Variants in ZBTB16 observed in about 807,000 individuals in gnomAD.
The protein encoded by ZBTB16 is zinc finger and BTB domain-containing protein 16.
Under a neutral mutation model 56.8 loss-of-function variants are expected in ZBTB16, and 8 were observed. The observed-to-expected ratio is 0.14, with a 90% CI of 0.08 to 0.25. The LOEUF is 0.25. ZBTB16 is among the 10% of genes least tolerant of loss of function. The probability of loss-of-function intolerance (pLI) is 1.00; values close to 1 mark genes in which losing one functional copy is unlikely to be tolerated. For synonymous variants in ZBTB16, 363 were observed against 368.5 expected, an observed-to-expected ratio of 0.98 and a Z score of 0.17; for missense variants, 625 against 903.0, an observed-to-expected ratio of 0.69 and a Z score of 3.95.
intron 2 of ZBTB16, among the ~76,000 whole-genome samples, chr11:114,088,998 C>CT (rs1940074946): frequency 6.6e-6 from 1 of 152,208 alleles, no homozygotes; most frequent in Admixed American, 6.5e-5. Flanking sequence ...TGACCACGAG[C>CT]AAGGCCTGGG....
intron 4 of ZBTB16, among the ~76,000 whole-genome samples, chr11:114,234,500 C>T (rs1044665992): frequency 1.3e-5 from 2 of 152,186 alleles, no homozygotes; most frequent in African/African-American, 4.8e-5. Context: ...GCCTTCATTG[C>T]CCACATAGCT....
At chr11:114,067,482 C>G (rs1172637648) in intron 2 of ZBTB16, among the ~76,000 whole-genome samples, 1 of 152,164 alleles carries the variant, frequency 6.6e-6, no homozygotes, top group Non-Finnish European at 1.5e-5. Context: ...TCTTGGCTCA[C>G]TGCAACCTCT....
intron 2 of ZBTB16, among the ~76,000 whole-genome samples, chr11:114,124,566 A>C (rs1356821111): frequency 2.7e-5 from 4 of 149,688 alleles, no homozygotes; most frequent in East Asian, 2.0e-4. Flanking sequence ...CCAAAAAAAA[A>C]AAAAAACAAA....
At chr11:114,089,819 C>A (rs1019821636) in intron 2 of ZBTB16, among the ~76,000 whole-genome samples, 5 of 152,178 alleles carry the variant, frequency 3.3e-5, no homozygotes, top group African/African-American at 1.2e-4. Flanking sequence ...GGCTGCTCCC[C>A]CTCTAGACTT....
chr11:114,102,280 T>C (rs960311915), intron 2 of ZBTB16, among the ~76,000 whole-genome samples: 2 of 152,098 alleles, frequency 1.3e-5, no homozygotes, highest in Non-Finnish European at 2.9e-5. Flanking sequence ...GGCTGTAAGG[T>C]GCTGGTGGGT....
chr11:114,217,697 G>A (rs750495905), intron 4 of ZBTB16, among the ~76,000 whole-genome samples: 8 of 152,190 alleles, frequency 5.3e-5, no homozygotes, highest in South Asian at 2.1e-4. Context: ...CACTGAGACC[G>A]TGAGAGTAGA....
chr11:114,119,703 G>C (rs971011684), intron 2 of ZBTB16, among the ~76,000 whole-genome samples: 7 of 152,166 alleles, frequency 4.6e-5, no homozygotes, highest in African/African-American at 1.4e-4. Flanking sequence ...ATGAGCACCT[G>C]TATCGTGTCA....
In ZBTB16 at chr11:114,248,316, G is replaced by A. The variant is rs868835182; in HGVS notation, c.1792+951G>A. On this transcript the variant is annotated intron_variant, in intron 6 of 6. Transcript: ENST00000335953. Reference sequence around the variant, plus strand: ...AAGTTGGGGGCAGTGAAGTCCTGGAGCTTGCTTGTGAAAGCTAATTTTTCA... The same window carrying A: ...AAGTTGGGGGCAGTGAAGTCCTGGAACTTGCTTGTGAAAGCTAATTTTTCA... Among the ~76,000 whole-genome samples, 6 of 152,366 alleles carry A rather than the reference G, an allele frequency of 3.9e-5. No homozygotes were observed. The South Asian group carries it at 1.0e-3, about 26-fold the overall frequency.
chr11:114,187,138 A>T, intron 4 of ZBTB16, 100 bp downstream of exon 4: 1 of 1,160,524 alleles, frequency 8.6e-7, no homozygotes, highest in South Asian at 1.3e-5. Flanking sequence ...CAAATGTGAC[A>T]TCCAGTAATT....
chr11:114,075,944 A>T (rs1939545386), intron 2 of ZBTB16, among the ~76,000 whole-genome samples: 1 of 152,134 alleles, frequency 6.6e-6, no homozygotes, highest in Non-Finnish European at 1.5e-5. Flanking sequence ...TTTGCAGAGA[A>T]CAGCAGTGTC....
At chr11:114,202,305 T>C (rs1943754443) in intron 4 of ZBTB16, among the ~76,000 whole-genome samples, 3 of 152,178 alleles carry the variant, frequency 2.0e-5, no homozygotes, top group Admixed American at 2.0e-4. Flanking sequence ...CAATTAAATA[T>C]CAACAGTAGT....
At chr11:114,138,451 C>A (rs917926748) in intron 2 of ZBTB16, among the ~76,000 whole-genome samples, 2 of 152,100 alleles carry the variant, frequency 1.3e-5, no homozygotes, top group Non-Finnish European at 2.9e-5. Flanking sequence ...TTTGCATCTC[C>A]CTTATTCCTG....
chr11:114,240,938 T>C (rs1482771006), intron 4 of ZBTB16, among the ~76,000 whole-genome samples: 1 of 152,220 alleles, frequency 6.6e-6, no homozygotes, highest in African/African-American at 2.4e-5. Context: ...GGCCCTTGCC[T>C]TTCCCTTTAG....
intron 2 of ZBTB16, among the ~76,000 whole-genome samples, chr11:114,099,942 A>C (rs1940549938): frequency 6.6e-6 from 1 of 152,118 alleles, no homozygotes; most frequent in Non-Finnish European, 1.5e-5. Flanking sequence ...GTCTTTCTCA[A>C]CCCCAGTGTG....
At chr11:114,108,675 C>T (rs2137773291) in intron 2 of ZBTB16, among the ~76,000 whole-genome samples, 1 of 152,338 alleles carries the variant, frequency 6.6e-6, no homozygotes, top group East Asian at 1.9e-4. Context: ...CTGCCCGCCT[C>T]TGAATGCAGC....
At chr11:114,199,408 A>G (rs1008817128) in intron 4 of ZBTB16, among the ~76,000 whole-genome samples, 4 of 151,850 alleles carry the variant, frequency 2.6e-5, no homozygotes, top group Admixed American at 6.5e-5. Context: ...GATGCTGGAC[A>G]TGGATGCTGG....
At chr11:114,102,335 C>A (rs1367750946) in intron 2 of ZBTB16, among the ~76,000 whole-genome samples, 25 of 152,134 alleles carry the variant, frequency 1.6e-4, no homozygotes, top group African/African-American at 6.0e-4. Flanking sequence ...GGGGTTGAGG[C>A]TGCTGAACTG....
At chr11:114,228,750 G>A (rs1292286670) in intron 4 of ZBTB16, among the ~76,000 whole-genome samples, 4 of 152,214 alleles carry the variant, frequency 2.6e-5, no homozygotes, top group Admixed American at 1.3e-4. Flanking sequence ...TGAGGTGGGC[G>A]GGGCCGGTGC....
chr11:114,240,213 G>C (rs943307544), intron 4 of ZBTB16, among the ~76,000 whole-genome samples: 1 of 152,176 alleles, frequency 6.6e-6, no homozygotes, highest in African/African-American at 2.4e-5. Flanking sequence ...GGGTGTGAGG[G>C]GCACAGAAGT....
Sources: allele counts gnomAD v4.1 joint callset (sites outside exome capture counted in the v4.1 genomes callset), GRCh38; gene constraint gnomAD v4.1.1; transcripts MANE v1.5; gene names NCBI Gene and HGNC (gene_info 2026-07-23, HGNC 2026-07-21).